THBS1: variants seen among roughly 807,000 people sequenced by gnomAD.
THBS1 encodes the protein thrombospondin-1.
A neutral mutation model predicts 126.1 loss-of-function variants in THBS1; 29 were observed. The observed-to-expected ratio is 0.23, with a 90% CI of 0.17 to 0.31. The LOEUF (loss-of-function observed/expected upper bound fraction) is 0.31. Among genes scored for constraint, THBS1 ranks in the 10% least tolerant of loss-of-function variants. The probability of loss-of-function intolerance (pLI) is 1.00; values close to 1 mark genes in which losing one functional copy is unlikely to be tolerated. For missense variants in THBS1, 1,198 were observed against 1,545.2 expected (o/e 0.78, Z 3.77); for synonymous variants, 496 against 577.8 (o/e 0.86, Z 2.03).
At position 39,596,091 on chromosome 15, in the gene THBS1, A is replaced by C. The variant is rs956986009; in HGVS notation, c.*722A>C. ...GCCAGAATTAGGGAATCAGAATCAA[A>C]CCAGTGTAAGGCAGTGCTGGCTGCC... On this transcript the variant is annotated 3_prime_UTR_variant, in exon 22 of 22. Coordinates refer to ENST00000260356, the MANE Select transcript of THBS1 (RefSeq NM_003246.4). The C allele has an allele frequency of 2.8e-6, 1 of 353,296 alleles. No individual in the cohort carries two copies. Among genetic ancestry groups the C allele is most frequent in the African/African-American group, 2.1e-5 (1 of 46,844 alleles). 21.9% of individuals were successfully genotyped at this position (353,296 alleles called of 1,614,324 possible). A position where few individuals can be genotyped will look rare whatever the true frequency, so the allele number is the denominator to read the frequency against.
Position 39,594,398 on chromosome 15 carries a change from C to T in THBS1, c.3463C>T (p.Gln1155Ter), listed in dbSNP as rs1427678705. Residue 1155 changes from glutamine to a stop codon, truncating the protein, a stop_gained, in exon 21 of 22, where the codon CAA (glutamine) becomes TAA (stop). Coordinates refer to ENST00000260356, the MANE Select transcript of THBS1 (RefSeq NM_003246.4). LOFTEE classifies it high-confidence loss of function. This position sits in a 1 kb window ranked among gnomAD's most constrained non-coding sequence, Gnocchi z 4.4. Reference protein sequence around the residue: ...GGRLGLFVFSQEMVFFSDLKY... With the variant: ...GGRLGLFVFS ...TAGACTAGGGTTGTTTGTCTTCTCT[C>T]AAGAAATGGTGTTCTTCTCTGACCT... 6.2e-7 allele frequency: 1 copy of T among 1,614,184 alleles called. No individual in the cohort carries two copies. The highest frequency in any genetic ancestry group is 1.7e-5 in the Admixed American group (1 of 60,028).
chr15:39,588,853 G>T, intron 10 of THBS1, 106 bp from the exon 11 acceptor site: 1 of 1,600,362 alleles, frequency 6.2e-7, no homozygotes, highest in South Asian at 1.1e-5. Flanking sequence ...CAAGTTATCG[G>T]TTCCCTATAC....
Position 39,587,545 on chromosome 15 carries a change from C to T in THBS1, c.1294+25C>T, listed in dbSNP as rs774129008. 32 of 1,594,266 alleles carry T rather than the reference C, an allele frequency of 2.0e-5. No individual in the cohort carries two copies. In the South Asian group the frequency reaches 2.7e-4, roughly 14 times the overall value. On this transcript the variant is annotated intron_variant, in intron 8 of 21. Coordinates refer to ENST00000260356, the MANE Select transcript of THBS1 (RefSeq NM_003246.4). Reference sequence around the variant, plus strand: ...TGTAAGCATCTTAGCCTCTCAGGGACGTGGAGAACTGACCTGTCCTTGTTG... The same window carrying T: ...TGTAAGCATCTTAGCCTCTCAGGGATGTGGAGAACTGACCTGTCCTTGTTG...
Position 39,595,756 on chromosome 15 carries a change from A to G in THBS1, c.*387A>G, listed in dbSNP as rs1890426527. 1 of 477,506 alleles carries G rather than the reference A, an allele frequency of 2.1e-6. No homozygotes were observed. Among genetic ancestry groups the G allele is most frequent in the African/African-American group, 2.0e-5 (1 of 51,216 alleles). The allele number at this position is 477,506 out of a possible 1,614,324, so 29.6% of individuals were successfully genotyped here. Reference sequence around the variant, plus strand: ...TTTCAGGCATGTCAGAGAAGGGAGGACTCACTAGAATTAGCAAACAAAACC... The same window carrying G: ...TTTCAGGCATGTCAGAGAAGGGAGGGCTCACTAGAATTAGCAAACAAAACC... On this transcript the variant is annotated 3_prime_UTR_variant, in exon 22 of 22. Transcript: ENST00000260356.
Position 39,591,587 on chromosome 15 carries a change from G to A in THBS1, c.2496G>A (p.Gln832=). Residue 832 remains glutamine, a synonymous_variant, in exon 16 of 22, where the codon CAG becomes CAA. Coordinates refer to ENST00000260356, the MANE Select transcript of THBS1 (RefSeq NM_003246.4). The stretch of plus-strand genomic sequence containing the variant: ...CTGATATGGATGGGGTTGGAGATCA[G>A]TGTGACAATTGCCCCTTGGAACACA... ...RDTDMDGVGD[Q]CDNCPLEHNP... is the part of the protein sequence containing the mutation. 3.1e-6 allele frequency: 5 copies of A among 1,614,240 alleles called. No homozygotes were observed. The highest frequency in any genetic ancestry group is 4.2e-6 in the Non-Finnish European group (5 of 1,180,040).
rs900257939 is a variant in THBS1, at chr15:39,597,931, G to A, written c.*2562G>A. The A allele has an allele frequency of 6.6e-6, 1 of 152,190 alleles. No homozygotes were observed. Among genetic ancestry groups the A allele is most frequent in the Non-Finnish European group, 1.5e-5 (1 of 68,036 alleles). The allele number at this position is 152,190 out of a possible 1,614,324, so 9.4% of individuals were successfully genotyped here. ...CACTTCGGAAGTAAATGTGGATGAG[G>A]GAGGAGCTGTCCTTGCAATGTTGAG... On this transcript the variant is annotated 3_prime_UTR_variant, in exon 22 of 22. Coordinates refer to ENST00000260356, the MANE Select transcript of THBS1 (RefSeq NM_003246.4).
Position 39,588,514 on chromosome 15 carries a change from A to T in THBS1, c.1472-12A>T. On this transcript the variant is annotated splice_polypyrimidine_tract_variant and intron_variant, in intron 9 of 21. Coordinates refer to ENST00000260356, the MANE Select transcript of THBS1 (RefSeq NM_003246.4). ...TGATCTTAATTGTTGCCTGTGGTTCATCTTCTTACAGTCAATGGAGGCTGG... is the reference window on the plus strand; with the variant it reads ...TGATCTTAATTGTTGCCTGTGGTTCTTCTTCTTACAGTCAATGGAGGCTGG... 6.5e-7 allele frequency: 1 copy of T among 1,536,826 alleles called. No homozygotes were observed. Among genetic ancestry groups the T allele is most frequent in the Non-Finnish European group, 8.7e-7 (1 of 1,144,396 alleles).
At position 39,589,580 on chromosome 15, in the gene THBS1, C is replaced by T. The variant is rs1890286807; in HGVS notation, c.1927-225C>T. Among the ~76,000 whole-genome samples the T allele has an allele frequency of 6.6e-6, 1 of 152,160 alleles. No individual in the cohort carries two copies. The highest frequency in any genetic ancestry group is 2.4e-5 in the African/African-American group (1 of 41,434). On this transcript the variant is annotated intron_variant, in intron 12 of 21. Coordinates refer to ENST00000260356, the MANE Select transcript of THBS1 (RefSeq NM_003246.4). The surrounding 1 kb of genome is among the most constrained non-coding windows in gnomAD (Gnocchi z 4.7). The stretch of plus-strand genomic sequence containing the variant: ...ATGCTGCTCTGGAATAAGTTGTGAG[C>T]AGATGGACTTGTAAACGCCTAGGTG...
intron 13 of THBS1, 46 bp downstream of exon 13, chr15:39,590,069 C>T (rs1218512462): frequency 3.5e-6 from 5 of 1,447,632 alleles, no homozygotes; most frequent in Admixed American, 4.8e-5. Flanking sequence ...GGCCCATCAC[C>T]TTATCAAAAC....
rs769663658 is a variant in THBS1 at position 39,582,246 on chromosome 15, C to A, written c.121C>A (p.Arg41Ser). 3.1e-6 allele frequency: 5 copies of A among 1,613,812 alleles called. No homozygotes were observed. In the East Asian group the frequency reaches 1.1e-4, roughly 36 times the overall value. Residue 41 changes from arginine to serine, a missense_variant, in exon 3 of 22, where the codon CGC becomes AGC. By Grantham distance (110) the Arg-to-Ser change is moderately radical. This residue lies in a region of THBS1 where 271 missense variants were observed against 277.0 expected (regional missense o/e 0.98). Transcript: ENST00000260356. ...FDIFELTGAA[R>S]KGSGRRLVKG... Reference sequence around the variant, plus strand: ...CATCTTTGAACTCACCGGGGCCGCCCGCAAGGGGTCTGGGCGCCGACTGGT... The same window carrying A: ...CATCTTTGAACTCACCGGGGCCGCCAGCAAGGGGTCTGGGCGCCGACTGGT...
rs1347566390 is a variant in THBS1 at position 39,582,688 on chromosome 15, C to G, written c.563C>G (p.Thr188Ser). The G allele has an allele frequency of 6.2e-7, 1 of 1,613,438 alleles. No individual in the cohort carries two copies. The highest frequency in any genetic ancestry group is 8.5e-7 in the Non-Finnish European group (1 of 1,180,030). The change falls in exon 3 of 22, where the codon ACC becomes AGC. Residue 188 changes from threonine to serine, a missense_variant. Thr to Ser is a moderately conservative substitution (Grantham distance 58). Coordinates refer to ENST00000260356, the MANE Select transcript of THBS1 (RefSeq NM_003246.4). ...GACGTCCCCATCCAAAGCGTCTTCA[C>G]CAGAGACCTGGCCAGCATCGCCAGA... ...ELDVPIQSVF[T>S]RDLASIARLR...
In THBS1 at chr15:39,582,626, G is replaced by C; in HGVS notation, c.501G>C (p.Leu167=). 2 of 1,614,078 alleles carry C rather than the reference G, an allele frequency of 1.2e-6. No homozygotes were observed. The highest frequency in any genetic ancestry group is 1.1e-5 in the South Asian group (1 of 91,080). The change falls in exon 3 of 22, where the codon CTG becomes CTC. Residue 167 remains leucine, a synonymous_variant. Transcript: ENST00000260356. ...TTGTGCAGGAAGACAGGGCCCAGCTGTACATCGACTGTGAAAAGATGGAGA... is the reference window on the plus strand; with the variant it reads ...TTGTGCAGGAAGACAGGGCCCAGCTCTACATCGACTGTGAAAAGATGGAGA... ...TLFVQEDRAQ[L]YIDCEKMENA...
chr15:39,587,621 G>A, intron 8 of THBS1, 101 bp downstream of exon 8: 1 of 1,232,862 alleles, frequency 8.1e-7, no homozygotes, highest in Non-Finnish European at 1.1e-6. Context: ...ACGGGTTCTA[G>A]GATCTCTGGA....
Position 39,597,188 on chromosome 15 carries a change from G to A in THBS1, c.*1819G>A, listed in dbSNP as rs1314634309. On this transcript the variant is annotated 3_prime_UTR_variant, in exon 22 of 22. Coordinates refer to ENST00000260356, the MANE Select transcript of THBS1 (RefSeq NM_003246.4). Reference sequence around the variant, plus strand: ...GATATGCTATTTAAATAATTTATCAGGAAATACTGCCTGTAGAGTTAGTAT... The same window carrying A: ...GATATGCTATTTAAATAATTTATCAAGAAATACTGCCTGTAGAGTTAGTAT... 1.3e-5 allele frequency: 2 copies of A among 150,906 alleles called. No homozygotes were observed. The allele number at this position is 150,906 out of a possible 1,614,324, so 9.3% of individuals were successfully genotyped here. A position where few individuals can be genotyped will look rare whatever the true frequency, so the allele number is the denominator to read the frequency against.
At chr15:39,586,873 A>G (rs1890217687) in intron 7 of THBS1, 5 of 152,628 alleles carry the variant, frequency 3.3e-5, no homozygotes, top group Admixed American at 2.6e-4. Context: ...GAGCCAGGCA[A>G]AGCATCCGAT....
intron 1 of THBS1, among the ~76,000 whole-genome samples, chr15:39,581,437 A>T (rs545301188): frequency 9.9e-5 from 15 of 152,110 alleles, no homozygotes; most frequent in Admixed American, 2.6e-4. Context: ...CCAACTCATC[A>T]GGACACCCCA....
chr15:39,588,328 T>C, intron 9 of THBS1, 110 bp downstream of exon 9: 1 of 1,387,364 alleles, frequency 7.2e-7, no homozygotes, highest in Non-Finnish European at 9.6e-7. Context: ...GAAGGTTACC[T>C]ACTAGAGAAA....
At chr15:39,590,827 T>G (rs1159261211) in intron 14 of THBS1, 2 of 575,398 alleles carry the variant, frequency 3.5e-6, no homozygotes, top group East Asian at 6.2e-5. Context: ...TTGTTTTTCA[T>G]CAGAACTGTT....
rs572211739 is a variant in THBS1, at chr15:39,593,557, C to T, written c.3156C>T (p.Pro1052=). The change falls in exon 19 of 22, where the codon CCC becomes CCT. Residue 1052 remains proline (P), a synonymous_variant. Coordinates refer to ENST00000260356, the MANE Select transcript of THBS1 (RefSeq NM_003246.4). This position sits in a 1 kb window ranked among gnomAD's most constrained non-coding sequence, Gnocchi z 5.9. ...QVTQSYWDTN[P]TRAQGYSGLS... ...CCCAGTCCTACTGGGACACCAACCCCACGAGGGCTCAGGGATACTCGGGCC... is the reference window on the plus strand; with the variant it reads ...CCCAGTCCTACTGGGACACCAACCCTACGAGGGCTCAGGGATACTCGGGCC... The T allele has an allele frequency of 2.9e-4, 469 of 1,614,220 alleles. 7 individuals carry two copies. The South Asian group carries it at 4.8e-3, about 16-fold the overall frequency.
Sources: allele counts gnomAD v4.1 joint callset (sites outside exome capture counted in the v4.1 genomes callset), GRCh38; gene constraint gnomAD v4.1.1; regional missense constraint gnomAD v4.1.1; non-coding constraint Gnocchi (gnomAD v3.1); transcripts MANE v1.5; gene names NCBI Gene and HGNC (gene_info 2026-07-23, HGNC 2026-07-21).